The following DLGAP1 variants were observed in gnomAD, a reference collection of about 807,000 sequenced individuals.
The protein encoded by DLGAP1 is disks large-associated protein 1.
A neutral mutation model predicts 90.8 loss-of-function variants in DLGAP1; 11 were observed. That is an observed-to-expected ratio of 0.12 (90% CI 0.08 to 0.20). The LOEUF (loss-of-function observed/expected upper bound fraction) is 0.20, where lower values mean the gene tolerates loss of function less well. Among genes scored for constraint, DLGAP1 ranks in the 10% least tolerant of loss-of-function variants. The pLI, the probability that DLGAP1 is intolerant of heterozygous loss-of-function variation, is 1.00. For synonymous variants in DLGAP1, 558 were observed against 540.7 expected (o/e 1.03, Z -0.44); for missense variants, 1,050 against 1,333.8 (o/e 0.79, Z 3.31).
At chr18:3,933,623 C>A (rs1365512717) in intron 3 of DLGAP1, among the ~76,000 whole-genome samples, 1 of 152,194 alleles carries the variant, frequency 6.6e-6, no homozygotes, top group Non-Finnish European at 1.5e-5. Flanking sequence ...TCTATTGTTC[C>A]TTTCCTGAAA....
chr18:4,094,241 GT>G (rs1234965827), intron 2 of DLGAP1, among the ~76,000 whole-genome samples: 29 of 152,072 alleles, frequency 1.9e-4, no homozygotes, highest in African/African-American at 6.3e-4. Context: ...TCTCTTAGCT[GT>G]TTACATATTA....
At chr18:4,300,010 A>C (rs2080085496) in intron 1 of DLGAP1, among the ~76,000 whole-genome samples, 2 of 152,172 alleles carry the variant, frequency 1.3e-5, no homozygotes, top group South Asian at 2.1e-4. Context: ...AAAAAAAAGC[A>C]ATCTCATCTG....
In DLGAP1 at chr18:3,640,112, G is replaced by A. The variant is rs142976248; in HGVS notation, c.1592-57864C>T. ...AGATAGGGTACATTATTTTTTTTCCGTATCCCTCACAGCTCGTAGGATAGT... is the reference window on the plus strand; with the variant it reads ...AGATAGGGTACATTATTTTTTTTCCATATCCCTCACAGCTCGTAGGATAGT... On this transcript the variant is annotated intron_variant, in intron 7 of 12. Transcript: ENST00000315677. 6.1e-4 allele frequency among the ~76,000 whole-genome samples: 93 copies of A among 151,818 alleles called. 4 individuals carry two copies. The highest frequency in any genetic ancestry group is 2.0e-3 in the African/African-American group (83 of 41,432).
chr18:3,765,773 A>G (rs4798126), intron 5 of DLGAP1, among the ~76,000 whole-genome samples: 39,611 of 151,876 alleles, frequency 0.26, 6,304 homozygotes, highest in East Asian at 0.55. Flanking sequence ...GGCAGAGGTT[A>G]CAGTGAGCTG....
At chr18:3,984,569 C>A (rs150721878) in intron 3 of DLGAP1, among the ~76,000 whole-genome samples, 1 of 152,118 alleles carries the variant, frequency 6.6e-6, no homozygotes, top group Non-Finnish European at 1.5e-5. Flanking sequence ...CCCAGGCTGG[C>A]GACTCTAAAG....
At chr18:4,101,659 C>CAG (rs57209155) in intron 2 of DLGAP1, among the ~76,000 whole-genome samples, 62,036 of 151,676 alleles carry the variant, frequency 0.41, 13,217 homozygotes, top group African/African-American at 0.54. Flanking sequence ...CTGTGTACTG[C>CAG]AGTCTTGCTG....
chr18:4,344,687 C>T (rs1022429083), intron 1 of DLGAP1, among the ~76,000 whole-genome samples: 1 of 152,170 alleles, frequency 6.6e-6, no homozygotes, highest in African/African-American at 2.4e-5. Context: ...AATTAGACTT[C>T]TAATTTTCCC....
chr18:3,874,940 G>A (rs1043458907), intron 4 of DLGAP1, among the ~76,000 whole-genome samples: 2 of 152,182 alleles, frequency 1.3e-5, no homozygotes, highest in Non-Finnish European at 2.9e-5. Context: ...CTAAGTCAAT[G>A]TCAGGCAGAG....
chr18:3,497,145 T>C lies in DLGAP1; in HGVS notation c.*2040A>G, dbSNP rs564982765. ...TTAATCTGTGAGTTCCAAGTCATTCTCAGTATTGAATGTGACCATAGGCTA... is the reference window on the plus strand; with the variant it reads ...TTAATCTGTGAGTTCCAAGTCATTCCCAGTATTGAATGTGACCATAGGCTA... On this transcript the variant is annotated 3_prime_UTR_variant, in exon 13 of 13. Coordinates refer to ENST00000315677, the MANE Select transcript of DLGAP1 (RefSeq NM_004746.4). 1 of 152,190 alleles carries C rather than the reference T, an allele frequency of 6.6e-6. No homozygotes were observed. Among genetic ancestry groups the C allele is most frequent in the Non-Finnish European group, 1.5e-5 (1 of 68,034 alleles). 9.4% of individuals were successfully genotyped at this position (152,190 alleles called of 1,614,324 possible). A position where few individuals can be genotyped will look rare whatever the true frequency, so the allele number is the denominator to read the frequency against.
chr18:4,122,982 G>A (rs2076177061), intron 2 of DLGAP1, among the ~76,000 whole-genome samples: 1 of 152,310 alleles, frequency 6.6e-6, no homozygotes, highest in Admixed American at 6.5e-5. Flanking sequence ...ATTGCCCCAA[G>A]GGTAAGAACT....
intron 7 of DLGAP1, among the ~76,000 whole-genome samples, chr18:3,600,763 T>G (rs1173625120): frequency 1.1e-5 from 1 of 92,580 alleles, no homozygotes; most frequent in East Asian, 2.7e-4. Flanking sequence ...TATAGATATA[T>G]AGATATATAT....
intron 3 of DLGAP1, among the ~76,000 whole-genome samples, chr18:3,947,788 C>T (rs954503625): frequency 3.3e-5 from 5 of 152,150 alleles, no homozygotes; most frequent in African/African-American, 1.2e-4. Context: ...ATGGAAAGTG[C>T]TACTACAACA....
chr18:4,441,847 C>T (rs886625956), intron 1 of DLGAP1, among the ~76,000 whole-genome samples: 1 of 152,188 alleles, frequency 6.6e-6, no homozygotes, highest in Non-Finnish European at 1.5e-5. Flanking sequence ...CTACGATTCT[C>T]GGATGCCAAC....
In DLGAP1 at chr18:3,836,390, G is replaced by A. The variant is rs181491461; in HGVS notation, c.958-22117C>T. Among the ~76,000 whole-genome samples, 75 of 152,288 alleles carry A rather than the reference G, an allele frequency of 4.9e-4. No homozygotes were observed. The Middle Eastern group carries it at 0.014, about 28-fold the overall frequency. Reference sequence around the variant, plus strand: ...AAATGAGGTCTGTGTGAGGGCATGGGTATATGCCATCACTATGCAACATTT... The same window carrying A: ...AAATGAGGTCTGTGTGAGGGCATGGATATATGCCATCACTATGCAACATTT... On this transcript the variant is annotated intron_variant, in intron 4 of 12. Coordinates refer to ENST00000315677, the MANE Select transcript of DLGAP1 (RefSeq NM_004746.4).
intron 5 of DLGAP1, among the ~76,000 whole-genome samples, chr18:3,752,867 C>T: frequency 6.6e-6 from 1 of 152,002 alleles, no homozygotes; most frequent in Non-Finnish European, 1.5e-5. Flanking sequence ...TACTTCATTC[C>T]TTTGTATAGC....
At chr18:4,033,827 C>T (rs530240353) in intron 2 of DLGAP1, among the ~76,000 whole-genome samples, 8 of 151,414 alleles carry the variant, frequency 5.3e-5, no homozygotes, top group Non-Finnish European at 8.8e-5. Flanking sequence ...GCAACCTCTG[C>T]CTCCCGGGTT....
chr18:3,764,568 C>A (rs1568093119), intron 5 of DLGAP1, among the ~76,000 whole-genome samples: 1 of 152,182 alleles, frequency 6.6e-6, no homozygotes, highest in African/African-American at 2.4e-5. Context: ...TTCCATATAC[C>A]CCTTGTTAAT....
Position 4,377,534 on chromosome 18 carries a change from A to G in DLGAP1, c.-267+77472T>C, listed in dbSNP as rs562012173. Reference sequence around the variant, plus strand: ...AAACATTTCCTTTCAAAGGATAAACAAGTTTTATTGAAGAGCTTACACTCC... The same window carrying G: ...AAACATTTCCTTTCAAAGGATAAACGAGTTTTATTGAAGAGCTTACACTCC... On this transcript the variant is annotated intron_variant, in intron 1 of 12. Coordinates refer to ENST00000315677, the MANE Select transcript of DLGAP1 (RefSeq NM_004746.4). Among the ~76,000 whole-genome samples the G allele has an allele frequency of 2.6e-5, 4 of 152,294 alleles. No homozygotes were observed. The South Asian group carries it at 6.2e-4, about 24-fold the overall frequency.
chr18:3,937,431 G>A (rs953961751), intron 3 of DLGAP1, among the ~76,000 whole-genome samples: 6 of 152,078 alleles, frequency 3.9e-5, no homozygotes, highest in Admixed American at 6.6e-5. Flanking sequence ...GATCTCATGA[G>A]ACTTGTTCAC....
Sources: gnomAD v4.1 joint callset for allele counts (sites outside exome capture counted in the v4.1 genomes callset) on GRCh38, gnomAD v4.1.1 for gene constraint, MANE v1.5 for transcripts, NCBI Gene and HGNC (gene_info 2026-07-23, HGNC 2026-07-21) for gene names.